ROBO3: variants seen among roughly 807,000 people sequenced by gnomAD.
The protein encoded by ROBO3 is roundabout guidance receptor 3.
ROBO3 carries 97 observed loss-of-function variants against 160.5 expected under a neutral mutation model. The observed-to-expected ratio is 0.60, with a 90% CI of 0.51 to 0.72. The LOEUF is 0.72. ROBO3 is among the 30% of genes least tolerant of loss of function. The probability of loss-of-function intolerance (pLI) is 0.00; values close to 1 mark genes in which losing one functional copy is unlikely to be tolerated. For missense variants in ROBO3, 1,858 were observed against 1,846.5 expected (o/e 1.01, Z -0.11); for synonymous variants, 780 against 746.2 (o/e 1.05, Z -0.74).
chr11:124,874,815 A>T lies in ROBO3; in HGVS notation c.1979A>T (p.Asp660Val). Residue 660 changes from aspartate (D) to valine (V), a missense_variant, in exon 13 of 28, where the codon GAC becomes GTC. Asp to Val is a radical substitution (Grantham distance 152). Transcript: ENST00000397801. ...AGCAGCCCCTCTAGGCCAGTGGAGG[A>T]CCCATGGAGAGGCCAGCAGGGACTG... ...QDSSPSRPVE[D>V]PWRGQQGLAE... is the part of the protein sequence containing the mutation. 1 of 1,605,632 alleles carries T rather than the reference A, an allele frequency of 6.2e-7. No individual in the cohort carries two copies. The highest frequency in any genetic ancestry group is 8.5e-7 in the Non-Finnish European group (1 of 1,176,226).
chr11:124,872,459 G>A lies in ROBO3; in HGVS notation c.1237G>A (p.Ala413Thr), dbSNP rs774489623. The A allele has an allele frequency of 6.2e-5, 100 of 1,613,960 alleles. No individual in the cohort carries two copies. Among genetic ancestry groups the A allele is most frequent in the Admixed American group, 1.2e-4 (7 of 60,018 alleles). Residue 413 changes from alanine to threonine, a missense_variant, in exon 8 of 28, where the codon GCG becomes ACG. Transcript: ENST00000397801. This position sits in a 1 kb window ranked among gnomAD's most constrained non-coding sequence, Gnocchi z 4.3. Reference protein sequence around the residue: ...VSPRGQLNITAVQRGDAGYYV... With the variant: ...VSPRGQLNITTVQRGDAGYYV... ...TCCAAGAGGCCAACTTAACATCACC[G>A]CGGTGCAGCGTGGGGATGCTGGGTA...
rs916097811 is a variant in ROBO3 at position 124,873,956 on chromosome 11, G to C, written c.1784+94G>C. On this transcript the variant is annotated intron_variant, in intron 11 of 27. Coordinates refer to ENST00000397801, the MANE Select transcript of ROBO3 (RefSeq NM_022370.4). The surrounding 1 kb of genome is among the most constrained non-coding windows in gnomAD (Gnocchi z 4.5). ...TGCTATTGTGAGGTGGGATTCTCCA[G>C]TACCCTCTTGCAAGGGGAAGACATA... The C allele has an allele frequency of 6.3e-7, 1 of 1,580,452 alleles. No homozygotes were observed. Among genetic ancestry groups the C allele is most frequent in the Non-Finnish European group, 8.7e-7 (1 of 1,153,284 alleles).
chr11:124,870,483 T>A, intron 5 of ROBO3, 118 bp from the exon 6 acceptor site: 1 of 1,529,528 alleles, frequency 6.5e-7, no homozygotes, highest in Non-Finnish European at 8.9e-7. Context: ...GGTAACCAGC[T>A]TCTGTCCCTG....
At chr11:124,875,916 C>G in intron 15 of ROBO3, 38 bp from the exon 16 acceptor site, 1 of 1,572,508 alleles carries the variant, frequency 6.4e-7, no homozygotes, top group Middle Eastern at 1.7e-4. Flanking sequence ...GCTAAGAATC[C>G]CATTTCTGAC....
rs1183988236 is a variant in ROBO3 at position 124,871,153 on chromosome 11, C to T, written c.1158+15C>T. On this transcript the variant is annotated intron_variant, in intron 7 of 27. Transcript: ENST00000397801. ...AGGGGAGTCAGGTGGGTGGCCATCT[C>T]CAAGGAGCTTCCCATCAGCCTTCCT... 6.2e-7 allele frequency: 1 copy of T among 1,606,306 alleles called. No homozygotes were observed. Among genetic ancestry groups the T allele is most frequent in the South Asian group, 1.1e-5 (1 of 90,750 alleles).
At chr11:124,874,393 C>T (rs1007753862) in intron 12 of ROBO3, among the ~76,000 whole-genome samples, 157 bp downstream of exon 12, 7 of 152,126 alleles carry the variant, frequency 4.6e-5, no homozygotes, top group Non-Finnish European at 2.9e-5. Flanking sequence ...TCATGTTTGC[C>T]TCTCACAGAA....
At chr11:124,877,731 CCGGGAG>C in intron 20 of ROBO3, 73 bp downstream of exon 20, 1 of 1,559,028 alleles carries the variant, frequency 6.4e-7, no homozygotes, top group Non-Finnish European at 8.7e-7. Context: ...CGAAGGGCGC[CCGGGAG>C]CCCGGTCTCT....
intron 7 of ROBO3, among the ~76,000 whole-genome samples, chr11:124,871,603 T>A (rs891239865): frequency 6.6e-6 from 1 of 152,224 alleles, no homozygotes; most frequent in African/African-American, 2.4e-5. Context: ...CAGTCATCCC[T>A]TTTGAACCTT....
In ROBO3 at chr11:124,875,972, G is replaced by A. The variant is rs1825525458; in HGVS notation, c.2440G>A (p.Glu814Lys). ...TCCCTAGATCTGGTGCCTGGGCAAT[G>A]AGAGCCGCTTTCACCTCAATCGATC... Reference protein sequence around the residue: ...TEYQIWCLGNESRFHLNRSAA... With the variant: ...TEYQIWCLGNKSRFHLNRSAA... The change falls in exon 16 of 28, where the codon GAG (glutamate) becomes AAG (lysine). Residue 814 changes from glutamate (E) to lysine (K), a missense_variant. Physicochemically the swap from Glu to Lys is moderately conservative, Grantham distance 56 (BLOSUM62 1). Transcript: ENST00000397801. 1.9e-6 allele frequency: 3 copies of A among 1,599,378 alleles called. No homozygotes were observed. Among genetic ancestry groups the A allele is most frequent in the Non-Finnish European group, 1.7e-6 (2 of 1,173,202 alleles).
chr11:124,876,281 C>G lies in ROBO3; in HGVS notation c.2600C>G (p.Pro867Arg). 6.8e-7 allele frequency: 1 copy of G among 1,467,780 alleles called. No individual in the cohort carries two copies. Among genetic ancestry groups the G allele is most frequent in the African/African-American group, 1.4e-5 (1 of 69,680 alleles). The allele number at this position is 1,467,780 out of a possible 1,614,324, so 90.9% of individuals were successfully genotyped here. Reference protein sequence around the residue: ...SAPVLVQLPSPPDLEPGLEVG... With the variant: ...SAPVLVQLPSRPDLEPGLEVG... ...ACTTCTCTGACCCCCACAGCGTCCC[C>G]GCCGGACCTGGAGCCCGGGCTGGAG... is the stretch of plus-strand genomic sequence containing the variant. Residue 867 changes from proline to arginine, a missense_variant, in exon 17 of 28, where the codon CCG becomes CGG. Physicochemically the swap from Pro to Arg is moderately radical, Grantham distance 103. Transcript: ENST00000397801. This position sits in a 1 kb window ranked among gnomAD's most constrained non-coding sequence, Gnocchi z 5.3.
intron 13 of ROBO3, 100 bp from the exon 14 acceptor site, chr11:124,875,011 A>C (rs893206534): frequency 2.0e-6 from 3 of 1,516,982 alleles, no homozygotes; most frequent in Non-Finnish European, 1.8e-6. Flanking sequence ...GTGGCTGGGG[A>C]AGGCGGCATG....
chr11:124,876,177 C>A lies in ROBO3; in HGVS notation c.2593+52C>A. ...GGATCTTGACGGGGGCGGGGCAAGCCCCCCACTGGGGTAGCTGTGCCTGCC... is the reference window on the plus strand; with the variant it reads ...GGATCTTGACGGGGGCGGGGCAAGCACCCCACTGGGGTAGCTGTGCCTGCC... On this transcript the variant is annotated intron_variant, in intron 16 of 27. Transcript: ENST00000397801. This position sits in a 1 kb window ranked among gnomAD's most constrained non-coding sequence, Gnocchi z 5.3. 1.3e-6 allele frequency: 2 copies of A among 1,549,616 alleles called. No homozygotes were observed. Among genetic ancestry groups the A allele is most frequent in the East Asian group, 4.5e-5 (2 of 44,200 alleles).
Position 124,873,225 on chromosome 11 carries a change from T to A in ROBO3, c.1537-85T>A. On this transcript the variant is annotated intron_variant, in intron 9 of 27. Coordinates refer to ENST00000397801, the MANE Select transcript of ROBO3 (RefSeq NM_022370.4). The surrounding 1 kb of genome is among the most constrained non-coding windows in gnomAD (Gnocchi z 4.5). ...CTCAGAGCACCTAGTATCCAACATC[T>A]TCCCATCCTTCTGCTACCCGCCTCC... 1 of 1,422,714 alleles carries A rather than the reference T, an allele frequency of 7.0e-7. No individual in the cohort carries two copies. Among genetic ancestry groups the A allele is most frequent in the East Asian group, 2.4e-5 (1 of 41,714 alleles). The allele number at this position is 1,422,714 out of a possible 1,614,324, so 88.1% of individuals were successfully genotyped here. A position where few individuals can be genotyped will look rare whatever the true frequency, so the allele number is the denominator to read the frequency against.
chr11:124,876,865 A>G lies in ROBO3; in HGVS notation c.2780-296A>G. On this transcript the variant is annotated intron_variant, in intron 17 of 27. Coordinates refer to ENST00000397801, the MANE Select transcript of ROBO3 (RefSeq NM_022370.4). The surrounding 1 kb of genome is among the most constrained non-coding windows in gnomAD (Gnocchi z 5.3). Reference sequence around the variant, plus strand: ...GGATGGAAAGGCGGGGCCCGCTGAAAGAAGGCGATCCGAGTTCTGCTACTT... The same window carrying G: ...GGATGGAAAGGCGGGGCCCGCTGAAGGAAGGCGATCCGAGTTCTGCTACTT... 1 of 571,848 alleles carries G rather than the reference A, an allele frequency of 1.7e-6. No individual in the cohort carries two copies. Among genetic ancestry groups the G allele is most frequent in the Non-Finnish European group, 3.1e-6 (1 of 321,642 alleles). The allele number at this position is 571,848 out of a possible 1,614,324, so 35.4% of individuals were successfully genotyped here. A position where few individuals can be genotyped will look rare whatever the true frequency, so the allele number is the denominator to read the frequency against.
chr11:124,877,421 AC>A, intron 19 of ROBO3, 97 bp from the exon 20 acceptor site: 1 of 1,582,270 alleles, frequency 6.3e-7, no homozygotes, highest in South Asian at 1.1e-5. Flanking sequence ...CCCCAACACC[AC>A]CGCCACTGTC....
rs1946392486 is a variant in ROBO3 at position 124,876,916 on chromosome 11, A to C, written c.2780-245A>C. ...CCTAGTAAGGGACGTCTCTGGAGAG[A>C]TTCTGAGGTGTTTGAGGTCAGTGGT... is the stretch of plus-strand genomic sequence containing the variant. On this transcript the variant is annotated intron_variant, in intron 17 of 27. Coordinates refer to ENST00000397801, the MANE Select transcript of ROBO3 (RefSeq NM_022370.4). The surrounding 1 kb of genome is among the most constrained non-coding windows in gnomAD (Gnocchi z 5.3). 1.6e-6 allele frequency: 1 copy of C among 615,098 alleles called. No homozygotes were observed. The highest frequency in any genetic ancestry group is 1.9e-5 in the South Asian group (1 of 51,334). 38.1% of individuals were successfully genotyped at this position (615,098 alleles called of 1,614,324 possible). A position where few individuals can be genotyped will look rare whatever the true frequency, so the allele number is the denominator to read the frequency against.
At chr11:124,879,070 C>T (rs748753395) in intron 23 of ROBO3, 120 bp from the exon 24 acceptor site, 28 of 1,206,736 alleles carry the variant, frequency 2.3e-5, no homozygotes, top group South Asian at 9.2e-5. Flanking sequence ...GGAGGACTTA[C>T]GGGCGGACGG....
rs1212400589 is a variant in ROBO3, at chr11:124,878,995, C to T, written c.3534-195C>T. 1 of 764,754 alleles carries T rather than the reference C, an allele frequency of 1.3e-6. No individual in the cohort carries two copies. The highest frequency in any genetic ancestry group is 2.7e-5 in the East Asian group (1 of 37,034). 47.4% of individuals were successfully genotyped at this position (764,754 alleles called of 1,614,324 possible). A position where few individuals can be genotyped will look rare whatever the true frequency, so the allele number is the denominator to read the frequency against. ...CTCATGCCCATTAGACTGGCTCTTG[C>T]TGGAGTGGTCAGCACTCTACCTGAG... On this transcript the variant is annotated intron_variant, in intron 23 of 27. Coordinates refer to ENST00000397801, the MANE Select transcript of ROBO3 (RefSeq NM_022370.4). This position sits in a 1 kb window ranked among gnomAD's most constrained non-coding sequence, Gnocchi z 4.3.
In ROBO3 at chr11:124,868,949, G is replaced by C. The variant is rs369787392; in HGVS notation, c.308G>C (p.Arg103Pro). The C allele has an allele frequency of 6.2e-7, 1 of 1,605,726 alleles. No homozygotes were observed. The highest frequency in any genetic ancestry group is 8.5e-7 in the Non-Finnish European group (1 of 1,176,946). Residue 103 changes from arginine (R) to proline (P), a missense_variant, in exon 2 of 28, where the codon CGT becomes CCT. Coordinates refer to ENST00000397801, the MANE Select transcript of ROBO3 (RefSeq NM_022370.4). ...PNIEWYKNGA[R>P]VATVREDPRA... is the part of the protein sequence containing the mutation. ...ATTGAGTGGTACAAGAACGGGGCGC[G>C]TGTGGCCACTGTGCGGGAGGATCCG...
Sources: allele counts gnomAD v4.1 joint callset (sites outside exome capture counted in the v4.1 genomes callset), GRCh38; gene constraint gnomAD v4.1.1; non-coding constraint Gnocchi (gnomAD v3.1); transcripts MANE v1.5; gene names NCBI Gene and HGNC (gene_info 2026-07-23, HGNC 2026-07-21).